MYH3: variants seen among roughly 807,000 people sequenced by gnomAD.
MYH3 encodes myosin-3.
Under a neutral mutation model 238.0 loss-of-function variants are expected in MYH3, and 130 were observed. The ratio of observed to expected loss-of-function variants is 0.55; its 90% CI spans 0.47 to 0.63. The LOEUF is 0.63. Among genes scored for constraint, MYH3 ranks in the 30% least tolerant of loss-of-function variants. The pLI is 0.00. For synonymous variants in MYH3, 880 were observed against 924.1 expected, an observed-to-expected ratio of 0.95 and a Z score of 0.86; for missense variants, 1,853 against 2,374.9, an observed-to-expected ratio of 0.78 and a Z score of 4.57.
Position 10,642,141 on chromosome 17 carries a change from C to CT in MYH3, c.1959+98_1959+99insA. 2.7e-6 allele frequency: 3 copies of CT among 1,111,108 alleles called. No homozygotes were observed. In the South Asian group the frequency reaches 4.0e-5, roughly 15 times the overall value. 68.8% of individuals were successfully genotyped at this position (1,111,108 alleles called of 1,614,324 possible). A position where few individuals can be genotyped will look rare whatever the true frequency, so the allele number is the denominator to read the frequency against. ...AGTGACAGTAATCAGATTAAGACAA[C>CT]ACTACTACTCTCAAATAAATCAAGC... is the stretch of plus-strand genomic sequence containing the variant. On this transcript the variant is annotated intron_variant, in intron 17 of 40. Coordinates refer to ENST00000583535, the MANE Select transcript of MYH3 (RefSeq NM_002470.4). The surrounding 1 kb of genome is among the most constrained non-coding windows in gnomAD (Gnocchi z 5.4).
chr17:10,655,997 C>T (rs2074426169), intron 2 of MYH3, 93 bp downstream of exon 2: 1 of 152,284 alleles, frequency 6.6e-6, no homozygotes. Context: ...CCCTCTGTGC[C>T]CTTATGGCCG....
At chr17:10,674,055 A>G in the MYH3 span, 1 of 151,996 alleles carries the variant, frequency 6.6e-6, no homozygotes, top group Admixed American at 6.6e-5. Flanking sequence ...AAATTAATAG[A>G]CTCTGTGGTA....
rs766008807 is a variant in MYH3 at position 10,639,679 on chromosome 17, C to T, written c.2806G>A (p.Glu936Lys). ...AGTTTCCTCTTCTTGGCCGTCAGCT[C>T]AGCATTGATCTCCTCCTCATCTTCA... is the stretch of plus-strand genomic sequence containing the variant. ...RAEDEEEINAELTAKKRKLED... is the reference protein window; with the variant it reads ...RAEDEEEINAKLTAKKRKLED... Residue 936 changes from glutamate (E) to lysine (K), a missense_variant, in exon 23 of 41, where the codon GAG becomes AAG. Physicochemically the swap from Glu to Lys is moderately conservative, Grantham distance 56. Coordinates refer to ENST00000583535, the MANE Select transcript of MYH3 (RefSeq NM_002470.4). 12 of 1,614,094 alleles carry T rather than the reference C, an allele frequency of 7.4e-6. No homozygotes were observed. The highest frequency in any genetic ancestry group is 1.0e-5 in the Non-Finnish European group (12 of 1,180,038).
the MYH3 span, among the ~76,000 whole-genome samples, chr17:10,665,228 C>T: frequency 7.9e-5 from 12 of 151,982 alleles, no homozygotes; most frequent in Non-Finnish European, 1.3e-4. Context: ...CTGGAACCTC[C>T]GCCTCCTGGG....
chr17:10,652,199 C>T, intron 4 of MYH3: 2 of 638,562 alleles, frequency 3.1e-6, no homozygotes, highest in Non-Finnish European at 2.8e-6. Flanking sequence ...GCCCCAGCTT[C>T]CCCGCTCTCC....
rs2074413278 is a variant in MYH3 at position 10,654,876 on chromosome 17, T to C, written c.189A>G (p.Glu63=). ...KSSQDGKVTV[E]TEDNRTLVVK... is the part of the protein sequence containing the mutation. ...AGAGCCTTACCCTGTTGTCCTCAGTTTCCACAGTGACCTTCCCATCCTGAG... is the reference window on the plus strand; with the variant it reads ...AGAGCCTTACCCTGTTGTCCTCAGTCTCCACAGTGACCTTCCCATCCTGAG... Residue 63 remains glutamate, a synonymous_variant, in exon 3 of 41, where the codon GAA becomes GAG. Transcript: ENST00000583535. This position sits in a 1 kb window ranked among gnomAD's most constrained non-coding sequence, Gnocchi z 4.5. 3 of 1,614,118 alleles carry C rather than the reference T, an allele frequency of 1.9e-6. No homozygotes were observed. The highest frequency in any genetic ancestry group is 2.5e-6 in the Non-Finnish European group (3 of 1,180,014).
chr17:10,653,809 T>C lies in MYH3; in HGVS notation c.204+1052A>G, dbSNP rs1172580445. ...CCGGCCAATGGGCCCTGGCTGTCTA[T>C]GATGGTCTCTTAGGTTCATCTTAGA... On this transcript the variant is annotated intron_variant, in intron 3 of 40. Coordinates refer to ENST00000583535, the MANE Select transcript of MYH3 (RefSeq NM_002470.4). Among the ~76,000 whole-genome samples the C allele has an allele frequency of 2.0e-5, 3 of 152,228 alleles. No homozygotes were observed. The East Asian group carries it at 5.8e-4, about 29-fold the overall frequency.
rs1169538977 is a variant in MYH3, at chr17:10,638,056, A to G, written c.3716T>C (p.Val1239Ala). 2 of 1,613,572 alleles carry G rather than the reference A, an allele frequency of 1.2e-6. No individual in the cohort carries two copies. The highest frequency in any genetic ancestry group is 2.7e-5 in the African/African-American group (2 of 74,742). Residue 1239 changes from valine (V) to alanine (A), a missense_variant, in exon 27 of 41, where the codon GTG (valine) becomes GCG (alanine). Coordinates refer to ENST00000583535, the MANE Select transcript of MYH3 (RefSeq NM_002470.4). Reference sequence around the variant, plus strand: ...CCCGCGCAGCACCTTAGATTTCGACACACTCTCCATGCTGCTGGAGAGGTC... The same window carrying G: ...CCCGCGCAGCACCTTAGATTTCGACGCACTCTCCATGCTGCTGGAGAGGTC... ...IDDLSSSMESVSKSKANLEKI... is the reference protein window; with the variant it reads ...IDDLSSSMESASKSKANLEKI...
At chr17:10,674,252 TAA>T in the MYH3 span, 1 of 163,264 alleles carries the variant, frequency 6.1e-6, no homozygotes, top group African/African-American at 2.4e-5. Flanking sequence ...CTGTTTCTAC[TAA>T]AAATACAAAA....
intron 12 of MYH3, among the ~76,000 whole-genome samples, chr17:10,645,267 T>C (rs902534529): frequency 2.8e-4 from 43 of 152,054 alleles, no homozygotes; most frequent in African/African-American, 9.9e-4. Context: ...CCGTTTCTAC[T>C]AAAAATACAA....
intron 3 of MYH3, among the ~76,000 whole-genome samples, 173 bp from the exon 4 acceptor site, chr17:10,652,736 C>T (rs1199267853): frequency 2.7e-5 from 4 of 150,512 alleles, no homozygotes; most frequent in Non-Finnish European, 5.9e-5. Context: ...ATTCTTCTGC[C>T]TCAGCCTCCC....
intron 10 of MYH3, among the ~76,000 whole-genome samples, chr17:10,646,840 G>A (rs1487295480): frequency 1.3e-5 from 2 of 152,126 alleles, no homozygotes; most frequent in African/African-American, 4.8e-5. Context: ...TTGAGCCCAG[G>A]AGTTCAAGAC....
At position 10,630,087 on chromosome 17, in the gene MYH3, C is replaced by T; in HGVS notation, c.5562+5G>A. 6.2e-7 allele frequency: 1 copy of T among 1,613,578 alleles called. No individual in the cohort carries two copies. Among genetic ancestry groups the T allele is most frequent in the Non-Finnish European group, 8.5e-7 (1 of 1,179,484 alleles). ...ACACGATCATGGCGTTTGCGTTCCA[C>T]TTACCTGGTACGTCAGCTCCTTGAC... On this transcript the variant is annotated splice_donor_5th_base_variant and intron_variant, in intron 38 of 40. Transcript: ENST00000583535.
chr17:10,662,785 G>A, the MYH3 span, among the ~76,000 whole-genome samples: 11 of 151,756 alleles, frequency 7.2e-5, no homozygotes, highest in African/African-American at 2.4e-4. Context: ...GTTATTTTTC[G>A]GTAATATAAA....
In MYH3 at chr17:10,631,849, C is replaced by T. The variant is rs1487108447; in HGVS notation, c.5124G>A (p.Leu1708=). Residue 1708 remains leucine, a synonymous_variant, in exon 35 of 41, where the codon CTG becomes CTA. Coordinates refer to ENST00000583535, the MANE Select transcript of MYH3 (RefSeq NM_002470.4). ...RARKLAEQEL[L]DSNERVQLLH... ...GCAGCTGCACCCTCTCGTTGGAGTCCAGGAGCTCCTGTTCCGCCAGTTTCC... is the reference window on the plus strand; with the variant it reads ...GCAGCTGCACCCTCTCGTTGGAGTCTAGGAGCTCCTGTTCCGCCAGTTTCC... 1.2e-6 allele frequency: 2 copies of T among 1,614,144 alleles called. No individual in the cohort carries two copies. Among genetic ancestry groups the T allele is most frequent in the Admixed American group, 3.3e-5 (2 of 60,016 alleles).
At chr17:10,668,263 C>T in the MYH3 span, among the ~76,000 whole-genome samples, 1 of 152,138 alleles carries the variant, frequency 6.6e-6, no homozygotes, top group Non-Finnish European at 1.5e-5. Context: ...GGCGTGGTGG[C>T]GCGTGCCTGT....
In MYH3 at chr17:10,632,130, TG is replaced by T. The variant is rs1026445310; in HGVS notation, c.4957-115del. On this transcript the variant is annotated intron_variant, in intron 34 of 40. Transcript: ENST00000583535. ...TGTTTGTTTTTGTTTTGTTTTGTTT[TG>T]TTTGTTTTGAGACAGGGTCTTGTTC... 1.0e-5 allele frequency: 8 copies of T among 786,386 alleles called. No homozygotes were observed. The Admixed American group carries it at 1.8e-4, about 17-fold the overall frequency. The allele number at this position is 786,386 out of a possible 1,614,324, so 48.7% of individuals were successfully genotyped here.
chr17:10,656,552 A>AT (rs2074433260), intron 1 of MYH3, among the ~76,000 whole-genome samples: 8 of 85,566 alleles, frequency 9.3e-5, no homozygotes, highest in South Asian at 3.6e-4. Context: ...AAAAAAAAAA[A>AT]AAAAAAAAAG....
chr17:10,647,577 G>C (rs191599508), intron 8 of MYH3, 151 bp from the exon 9 acceptor site: 4 of 841,226 alleles, frequency 4.8e-6, no homozygotes, highest in African/African-American at 3.4e-5. Context: ...ACGGAGTCTC[G>C]CTCTGTCACC....
Sources: allele counts gnomAD v4.1 joint callset (sites outside exome capture counted in the v4.1 genomes callset), GRCh38; gene constraint gnomAD v4.1.1; non-coding constraint Gnocchi (gnomAD v3.1); transcripts MANE v1.5; gene names NCBI Gene and HGNC (gene_info 2026-07-23, HGNC 2026-07-21).